The following GARRE1 variants were observed in gnomAD, a reference collection of about 807,000 sequenced individuals.
The protein encoded by GARRE1 is granule associated Rac and RHOG effector protein 1.
In GARRE1, 49 loss-of-function variants were observed where a neutral mutation model predicts 103.2. The observed-to-expected ratio is 0.47, with a 90% CI of 0.38 to 0.60. The LOEUF (loss-of-function observed/expected upper bound fraction) is 0.60. Among genes scored for constraint, GARRE1 ranks in the 20% least tolerant of loss-of-function variants. The pLI is 0.00. For synonymous variants in GARRE1, 505 were observed against 532.8 expected, an observed-to-expected ratio of 0.95 and a Z score of 0.72; for missense variants, 1,199 against 1,370.5, an observed-to-expected ratio of 0.87 and a Z score of 1.98.
chr19:34,327,596 G>A (rs377393653), intron 4 of GARRE1, 35 bp downstream of exon 4: 32 of 1,608,308 alleles, frequency 2.0e-5, no homozygotes, highest in South Asian at 1.9e-4. Flanking sequence ...TGATTTCCAC[G>A]GGATAGAAAC....
Position 34,330,189 on chromosome 19 carries a change from C to T in GARRE1, c.1105C>T (p.His369Tyr), listed in dbSNP as rs2074130887. 1 of 1,613,552 alleles carries T rather than the reference C, an allele frequency of 6.2e-7. No individual in the cohort carries two copies. The change falls in exon 7 of 14, where the codon CAT becomes TAT. Residue 369 changes from histidine to tyrosine, a missense_variant and splice_region_variant. Coordinates refer to ENST00000299505, the MANE Select transcript of GARRE1 (RefSeq NM_014686.5). ...GAACTCTCTTCTTATCAATCTATAGCATACAATGTTACAGCTGATGAAGGA... is the reference window on the plus strand; with the variant it reads ...GAACTCTCTTCTTATCAATCTATAGTATACAATGTTACAGCTGATGAAGGA... ...SAADNLKLKT[H>Y]TMLQLMKEAG...
At position 34,342,018 on chromosome 19, in the gene GARRE1, C is replaced by T; in HGVS notation, c.2084C>T (p.Pro695Leu). The T allele has an allele frequency of 6.2e-7, 1 of 1,614,160 alleles. No individual in the cohort carries two copies. The highest frequency in any genetic ancestry group is 8.5e-7 in the Non-Finnish European group (1 of 1,180,048). Reference protein sequence around the residue: ...GAMQPQQPSLPVPPPPRAPQA... With the variant: ...GAMQPQQPSLLVPPPPRAPQA... ...ATGCAACCACAGCAGCCGTCACTGC[C>T]TGTGCCCCCTCCACCACGGGCACCC... Residue 695 changes from proline to leucine, a missense_variant, in exon 10 of 14, where the codon CCT becomes CTT. Pro to Leu is a moderately conservative substitution (Grantham distance 98). Coordinates refer to ENST00000299505, the MANE Select transcript of GARRE1 (RefSeq NM_014686.5).
chr19:34,332,127 C>T (rs1358581790), intron 7 of GARRE1, among the ~76,000 whole-genome samples: 1 of 152,110 alleles, frequency 6.6e-6, no homozygotes, highest in Non-Finnish European at 1.5e-5. Context: ...GGTATACTGT[C>T]GTTTTGTTTC....
At chr19:34,328,485 C>T (rs746982182) in intron 6 of GARRE1, among the ~76,000 whole-genome samples, 2 of 147,540 alleles carry the variant, frequency 1.4e-5, no homozygotes, top group South Asian at 2.2e-4. Flanking sequence ...GCTGAGATTG[C>T]GCCATTGCAC....
rs972447082 is a variant in GARRE1 at position 34,353,815 on chromosome 19, T to A, written c.*860T>A. 1 of 152,352 alleles carries A rather than the reference T, an allele frequency of 6.6e-6. No individual in the cohort carries two copies. The highest frequency in any genetic ancestry group is 2.4e-5 in the African/African-American group (1 of 41,446). The allele number at this position is 152,352 out of a possible 1,614,324, so 9.4% of individuals were successfully genotyped here. On this transcript the variant is annotated 3_prime_UTR_variant, in exon 14 of 14. Transcript: ENST00000299505. ...CACTGCCACAATCCTCGGGGTGTGGTCAAGGGGCACTCAGAGACACCTGCA... is the reference window on the plus strand; with the variant it reads ...CACTGCCACAATCCTCGGGGTGTGGACAAGGGGCACTCAGAGACACCTGCA...
In GARRE1 at chr19:34,352,866, C is replaced by T. The variant is rs752038297; in HGVS notation, c.3124C>T (p.Pro1042Ser). The change falls in exon 14 of 14, where the codon CCC becomes TCC. Residue 1042 changes from proline (P) to serine (S), a missense_variant. Pro to Ser is a moderately conservative substitution (Grantham distance 74, BLOSUM62 -1). Coordinates refer to ENST00000299505, the MANE Select transcript of GARRE1 (RefSeq NM_014686.5). Reference sequence around the variant, plus strand: ...TGTGCAGACCCCACCCCAGCCCCCACCCCCACCAGCACACAAGGCAGCACC... The same window carrying T: ...TGTGCAGACCCCACCCCAGCCCCCATCCCCACCAGCACACAAGGCAGCACC... ...SYVQTPPQPP[P>S]PPAHKAAPKG... 6 of 1,588,808 alleles carry T rather than the reference C, an allele frequency of 3.8e-6. No individual in the cohort carries two copies. The highest frequency in any genetic ancestry group is 5.1e-6 in the Non-Finnish European group (6 of 1,166,842).
intron 12 of GARRE1, among the ~76,000 whole-genome samples, chr19:34,349,769 T>C (rs1169804846): frequency 1.3e-5 from 2 of 151,346 alleles, no homozygotes; most frequent in African/African-American, 4.9e-5. Context: ...TAGAGCAGAG[T>C]GGGAGGCCGG....
At chr19:34,261,078 T>C (rs2073714832) in intron 1 of GARRE1, among the ~76,000 whole-genome samples, 1 of 152,218 alleles carries the variant, frequency 6.6e-6, no homozygotes, top group Non-Finnish European at 1.5e-5. Context: ...TGCCTCTGGC[T>C]GCAAGGGTCT....
chr19:34,333,872 T>A, intron 8 of GARRE1, 71 bp downstream of exon 8: 1 of 961,824 alleles, frequency 1.0e-6, no homozygotes, highest in Non-Finnish European at 1.7e-6. Context: ...AATGATGGCC[T>A]TGTTTTGAAC....
At chr19:34,288,722 G>T (rs749400361) in intron 1 of GARRE1, among the ~76,000 whole-genome samples, 2 of 152,166 alleles carry the variant, frequency 1.3e-5, no homozygotes, top group Non-Finnish European at 2.9e-5. Context: ...TAAAGAGTGG[G>T]TATGAGTTTT....
intron 2 of GARRE1, 96 bp downstream of exon 2, chr19:34,301,064 T>A: frequency 7.7e-7 from 1 of 1,293,690 alleles, no homozygotes; most frequent in Non-Finnish European, 1.1e-6. Flanking sequence ...ACTGTAATAG[T>A]AGCCTTTGTC....
chr19:34,309,766 A>G (rs2074028396), intron 2 of GARRE1, among the ~76,000 whole-genome samples: 2 of 152,246 alleles, frequency 1.3e-5, no homozygotes, highest in South Asian at 4.1e-4. Flanking sequence ...GACGTAATAT[A>G]TCAGAGTACC....
At chr19:34,263,303 T>TAC (rs2073731331) in intron 1 of GARRE1, among the ~76,000 whole-genome samples, 1 of 125,052 alleles carries the variant, frequency 8.0e-6, no homozygotes, top group Admixed American at 8.3e-5. Flanking sequence ...TAGATAGATA[T>TAC]ACATGAAATA....
chr19:34,330,053 G>A, intron 6 of GARRE1, 136 bp from the exon 7 acceptor site: 4 of 786,424 alleles, frequency 5.1e-6, no homozygotes, highest in South Asian at 1.8e-5. Context: ...CCACCGGACT[G>A]CAGCTTGGAC....
chr19:34,351,941 T>G (rs1256653527), intron 13 of GARRE1, among the ~76,000 whole-genome samples: 2 of 151,342 alleles, frequency 1.3e-5, no homozygotes, highest in Non-Finnish European at 2.9e-5. Context: ...TGCAAAAAAA[T>G]TAAAAGATCA....
At position 34,296,385 on chromosome 19, in the gene GARRE1, C is replaced by T. The variant is rs12459500; in HGVS notation, c.-795-3294C>T. The T allele has an allele frequency of 2.8e-4, 415 of 1,467,888 alleles. 1 individual carries two copies. The Admixed American group carries it at 3.0e-3, about 10-fold the overall frequency. The allele number at this position is 1,467,888 out of a possible 1,614,324, so 90.9% of individuals were successfully genotyped here. A position where few individuals can be genotyped will look rare whatever the true frequency, so the allele number is the denominator to read the frequency against. ...TTGATCCTTGGCCTTGGCCTTTAGC[C>T]GGCACAGCCTGAGTCCCTTGGCAGT... On this transcript the variant is annotated intron_variant, in intron 1 of 13. Transcript: ENST00000299505.
intron 6 of GARRE1, among the ~76,000 whole-genome samples, chr19:34,329,460 CTATG>C (rs1321775462): frequency 6.6e-6 from 1 of 152,264 alleles, no homozygotes; most frequent in Non-Finnish European, 1.5e-5. Context: ...GTCATTTACT[CTATG>C]GGGCTGAGAA....
intron 1 of GARRE1, among the ~76,000 whole-genome samples, chr19:34,260,650 T>G (rs2073711969): frequency 6.6e-6 from 1 of 152,200 alleles, no homozygotes; most frequent in Non-Finnish European, 1.5e-5. Flanking sequence ...CGTTTAGCAT[T>G]AATGAAGTAT....
chr19:34,345,300 T>C (rs1450427619), intron 10 of GARRE1, among the ~76,000 whole-genome samples: 1 of 152,228 alleles, frequency 6.6e-6, no homozygotes, highest in Non-Finnish European at 1.5e-5. Context: ...TCTTGCTGTT[T>C]TGTGCTTGCT....
Sources: gnomAD v4.1 joint callset for allele counts (sites outside exome capture counted in the v4.1 genomes callset) on GRCh38, gnomAD v4.1.1 for gene constraint, MANE v1.5 for transcripts, NCBI Gene and HGNC (gene_info 2026-07-23, HGNC 2026-07-21) for gene names.